FOXK1: variants seen among roughly 807,000 people sequenced by gnomAD.
FOXK1 encodes the protein forkhead box protein K1.
Under a neutral mutation model 51.9 loss-of-function variants are expected in FOXK1, and 19 were observed. That is an observed-to-expected ratio of 0.37 (90% CI 0.26 to 0.54). The LOEUF (loss-of-function observed/expected upper bound fraction) is 0.54, where lower values mean the gene tolerates loss of function less well. Ranked by LOEUF, FOXK1 falls within the 20% of genes least tolerant of loss-of-function variation. The probability of loss-of-function intolerance (pLI) is 0.87; values close to 1 mark genes in which losing one functional copy is unlikely to be tolerated. For synonymous variants in FOXK1, 537 were observed against 482.6 expected (o/e 1.11, Z -1.48); for missense variants, 870 against 1,032.7 (o/e 0.84, Z 2.16).
rs1182975267 is a variant in FOXK1 at position 4,711,334 on chromosome 7, C to G, written c.560+28466C>G. 2.0e-5 allele frequency among the ~76,000 whole-genome samples: 3 copies of G among 152,164 alleles called. No homozygotes were observed. The highest frequency in any genetic ancestry group is 4.4e-5 in the Non-Finnish European group (3 of 68,044). On this transcript the variant is annotated intron_variant, in intron 1 of 8. Transcript: ENST00000328914. The surrounding 1 kb of genome is among the most constrained non-coding windows in gnomAD (Gnocchi z 6.3). The stretch of plus-strand genomic sequence containing the variant: ...CAGGGAGGCTGGGCGCAGTAATAAA[C>G]ACGCCCAGAGTGGAAGGGCTTCCTG...
rs769088714 is a variant in FOXK1 at position 4,733,409 on chromosome 7, G to T, written c.561-7429G>T. On this transcript the variant is annotated intron_variant, in intron 1 of 8. Transcript: ENST00000328914. The surrounding 1 kb of genome is among the most constrained non-coding windows in gnomAD (Gnocchi z 5.0). The stretch of plus-strand genomic sequence containing the variant: ...ACGTTGCTTGTTGCTCCGTTATGCA[G>T]TGTGCCTTTATGGTCCACTGTGGCT... 6.6e-6 allele frequency among the ~76,000 whole-genome samples: 1 copy of T among 152,206 alleles called. No individual in the cohort carries two copies. The highest frequency in any genetic ancestry group is 1.5e-5 in the Non-Finnish European group (1 of 68,022).
At chr7:4,705,883 T>C (rs1780083975) in intron 1 of FOXK1, among the ~76,000 whole-genome samples, 1 of 149,910 alleles carries the variant, frequency 6.7e-6, no homozygotes, top group Non-Finnish European at 1.5e-5. Flanking sequence ...AGAAAGCCGA[T>C]TTTAAGAGCT....
At chr7:4,685,707 C>T (rs1779810414) in intron 1 of FOXK1, among the ~76,000 whole-genome samples, 1 of 151,892 alleles carries the variant, frequency 6.6e-6, no homozygotes, top group African/African-American at 2.4e-5. Context: ...CTTTGGGAGG[C>T]CAAGGCGGGT....
chr7:4,712,727 C>A (rs1260633458), intron 1 of FOXK1, among the ~76,000 whole-genome samples: 1 of 152,176 alleles, frequency 6.6e-6, no homozygotes, highest in Non-Finnish European at 1.5e-5. Context: ...GTTGCCCTCT[C>A]AGATAGGAGA....
chr7:4,738,634 A>C (rs1780589509), intron 1 of FOXK1, among the ~76,000 whole-genome samples: 1 of 152,044 alleles, frequency 6.6e-6, no homozygotes, highest in African/African-American at 2.4e-5. Context: ...GGGGTGACCG[A>C]CCACCCACCC....
In FOXK1 at chr7:4,754,675, C is replaced by T. The variant is rs187540027; in HGVS notation, c.903+60C>T. 91 of 1,541,272 alleles carry T rather than the reference C, an allele frequency of 5.9e-5. No homozygotes were observed. In the Admixed American group the frequency reaches 1.2e-3, roughly 20 times the overall value. On this transcript the variant is annotated intron_variant, in intron 3 of 8. Transcript: ENST00000328914. Reference sequence around the variant, plus strand: ...GACCCAGGATCGGGCCATAGTGACCCGGCGCGGGCGGCACAGACAGCCCAG... The same window carrying T: ...GACCCAGGATCGGGCCATAGTGACCTGGCGCGGGCGGCACAGACAGCCCAG...
At position 4,683,585 on chromosome 7, in the gene FOXK1, C is replaced by T. The variant is rs1336830125; in HGVS notation, c.560+717C>T. Reference sequence around the variant, plus strand: ...CTCAACCCTTCCAGGTCACCCTGGACCCCCACCAGCTTGGACTCCAGGGTC... The same window carrying T: ...CTCAACCCTTCCAGGTCACCCTGGATCCCCACCAGCTTGGACTCCAGGGTC... On this transcript the variant is annotated intron_variant, in intron 1 of 8. Coordinates refer to ENST00000328914, the MANE Select transcript of FOXK1 (RefSeq NM_001037165.2). This position sits in a 1 kb window ranked among gnomAD's most constrained non-coding sequence, Gnocchi z 4.5. Among the ~76,000 whole-genome samples the T allele has an allele frequency of 6.6e-6, 1 of 151,840 alleles. No homozygotes were observed. The highest frequency in any genetic ancestry group is 2.1e-4 in the South Asian group (1 of 4,812).
rs552784954 is a variant in FOXK1 at position 4,700,259 on chromosome 7, T to C, written c.560+17391T>C. ...TAGCCTCAGTACATACCAATATGCT[T>C]GGCACATAGTTGGCACTTTGTAAAT... On this transcript the variant is annotated intron_variant, in intron 1 of 8. Coordinates refer to ENST00000328914, the MANE Select transcript of FOXK1 (RefSeq NM_001037165.2). Among the ~76,000 whole-genome samples the C allele has an allele frequency of 2.6e-5, 4 of 152,344 alleles. No individual in the cohort carries two copies. In the South Asian group the frequency reaches 8.3e-4, roughly 32 times the overall value.
chr7:4,717,621 G>T (rs565487167), intron 1 of FOXK1, among the ~76,000 whole-genome samples: 2 of 152,222 alleles, frequency 1.3e-5, no homozygotes, highest in Non-Finnish European at 2.9e-5. Context: ...AGCGCATGAC[G>T]GGAGGTACTC....
chr7:4,739,762 T>C (rs1488462970), intron 1 of FOXK1, among the ~76,000 whole-genome samples: 2 of 152,228 alleles, frequency 1.3e-5, no homozygotes, highest in Non-Finnish European at 2.9e-5. Flanking sequence ...GCTCCTTCCG[T>C]TGTCAGATCT....
At position 4,722,271 on chromosome 7, in the gene FOXK1, G is replaced by A. The variant is rs745610801; in HGVS notation, c.561-18567G>A. ...TGGCTTTGCATTCTCTGCCTTTCCC[G>A]AGCGTCCCTGCCTCAGATTCCAAAA... On this transcript the variant is annotated intron_variant, in intron 1 of 8. Transcript: ENST00000328914. This position sits in a 1 kb window ranked among gnomAD's most constrained non-coding sequence, Gnocchi z 5.1. Among the ~76,000 whole-genome samples the A allele has an allele frequency of 6.8e-5, 9 of 132,892 alleles. No individual in the cohort carries two copies. Among genetic ancestry groups the A allele is most frequent in the South Asian group, 2.5e-4 (1 of 3,996 alleles). The allele number at this position is 132,892 out of a possible 152,430, so 87.2% of individuals were successfully genotyped here.
At chr7:4,695,309 G>A (rs1183041482) in intron 1 of FOXK1, among the ~76,000 whole-genome samples, 2 of 152,224 alleles carry the variant, frequency 1.3e-5, no homozygotes, top group Non-Finnish European at 1.5e-5. Flanking sequence ...AGAAGATTTT[G>A]CTAGAATATC....
intron 2 of FOXK1, 54 bp downstream of exon 2, chr7:4,741,077 G>GTACGACAGGCACGCTCGC: frequency 7.7e-7 from 1 of 1,290,608 alleles, no homozygotes; most frequent in Non-Finnish European, 1.0e-6. Context: ...GGGATGATGC[G>GTACGACAGGCACGCTCGC]AGCGTGCCTG....
chr7:4,769,559 C>G lies in FOXK1; in HGVS notation c.*7095C>G, dbSNP rs1186499555. The G allele has an allele frequency of 2.0e-5, 3 of 152,276 alleles. No individual in the cohort carries two copies. Among genetic ancestry groups the G allele is most frequent in the Non-Finnish European group, 4.4e-5 (3 of 68,124 alleles). 9.4% of individuals were successfully genotyped at this position (152,276 alleles called of 1,614,324 possible). ...GTTCGAGCGAATTCTCCTGCCTCAA[C>G]CTCCCAAGTAGCTGGGATTACAGGC... is the stretch of plus-strand genomic sequence containing the variant. On this transcript the variant is annotated 3_prime_UTR_variant, in exon 9 of 9. Coordinates refer to ENST00000328914, the MANE Select transcript of FOXK1 (RefSeq NM_001037165.2). The surrounding 1 kb of genome is among the most constrained non-coding windows in gnomAD (Gnocchi z 4.1).
rs1780890026 is a variant in FOXK1 at position 4,758,815 on chromosome 7, CAT to C, written c.1245-235_1245-234del. 1.8e-6 allele frequency: 1 copy of C among 559,384 alleles called. No homozygotes were observed. Among genetic ancestry groups the C allele is most frequent in the Non-Finnish European group, 3.1e-6 (1 of 318,568 alleles). 34.7% of individuals were successfully genotyped at this position (559,384 alleles called of 1,614,324 possible). A position where few individuals can be genotyped will look rare whatever the true frequency, so the allele number is the denominator to read the frequency against. ...TTGTTGCGTTCACTGCAGCACCTCA[CAT>C]GATACCGTCCCCTCTCATGGAACGG... On this transcript the variant is annotated intron_variant, in intron 5 of 8. Coordinates refer to ENST00000328914, the MANE Select transcript of FOXK1 (RefSeq NM_001037165.2). The surrounding 1 kb of genome is among the most constrained non-coding windows in gnomAD (Gnocchi z 4.4).
chr7:4,690,549 C>T (rs777337509), intron 1 of FOXK1, among the ~76,000 whole-genome samples: 7 of 152,202 alleles, frequency 4.6e-5, no homozygotes, highest in African/African-American at 9.6e-5. Flanking sequence ...TTGGGCTTGC[C>T]GCCCATTTAA....
Position 4,682,453 on chromosome 7 carries a change from C to A in FOXK1, c.145C>A (p.Pro49Thr), listed in dbSNP as rs1226359688. 2.0e-6 allele frequency: 2 copies of A among 982,942 alleles called. No homozygotes were observed. The highest frequency in any genetic ancestry group is 2.4e-6 in the Non-Finnish European group (2 of 830,022). 60.9% of individuals were successfully genotyped at this position (982,942 alleles called of 1,614,324 possible). Residue 49 changes from proline to threonine, a missense_variant, in exon 1 of 9, where the codon CCG (proline) becomes ACG (threonine). Pro to Thr is a conservative substitution (Grantham distance 38). This residue lies in a region of FOXK1 where 399 missense variants were observed against 475.6 expected (regional missense o/e 0.84). Coordinates refer to ENST00000328914, the MANE Select transcript of FOXK1 (RefSeq NM_001037165.2). This position sits in a 1 kb window ranked among gnomAD's most constrained non-coding sequence, Gnocchi z 7.6. ...PPPAPAQPQP[P>T]PGPPPPPPPP... ...GCCGGCCCCCGCGCAGCCCCAGCCTCCGCCCGGGCCGCCGCCGCCGCCGCC... is the reference window on the plus strand; with the variant it reads ...GCCGGCCCCCGCGCAGCCCCAGCCTACGCCCGGGCCGCCGCCGCCGCCGCC...
chr7:4,712,409 G>T (rs1378851121), intron 1 of FOXK1, among the ~76,000 whole-genome samples: 1 of 152,138 alleles, frequency 6.6e-6, no homozygotes, highest in African/African-American at 2.4e-5. Context: ...TGAAGGCTCC[G>T]CATTCAGACG....
Position 4,758,694 on chromosome 7 carries a change from G to T in FOXK1, c.1245-357G>T. The T allele has an allele frequency of 3.9e-6, 1 of 255,492 alleles. No individual in the cohort carries two copies. Among genetic ancestry groups the T allele is most frequent in the African/African-American group, 2.2e-5 (1 of 44,534 alleles). The allele number at this position is 255,492 out of a possible 1,614,324, so 15.8% of individuals were successfully genotyped here. A position where few individuals can be genotyped will look rare whatever the true frequency, so the allele number is the denominator to read the frequency against. On this transcript the variant is annotated intron_variant, in intron 5 of 8. Transcript: ENST00000328914. The surrounding 1 kb of genome is among the most constrained non-coding windows in gnomAD (Gnocchi z 4.4). ...GTAGAGTTTTCATGGTGGAACGGTT[G>T]CGCCCACCAAACAGAAGCTTATGTT...
Sources: gnomAD v4.1 joint callset for allele counts (sites outside exome capture counted in the v4.1 genomes callset) on GRCh38, gnomAD v4.1.1 for gene constraint, gnomAD v4.1.1 regional missense constraint, Gnocchi (gnomAD v3.1) non-coding constraint, MANE v1.5 for transcripts, NCBI Gene and HGNC (gene_info 2026-07-23, HGNC 2026-07-21) for gene names.